PKDREJ: variants seen among roughly 807,000 people sequenced by gnomAD.
PKDREJ encodes polycystin family receptor for egg jelly.
For synonymous variants in PKDREJ, 1,031 were observed against 1,095.5 expected, an observed-to-expected ratio of 0.94 and a Z score of 1.16; for missense variants, 2,507 against 2,807.2, an observed-to-expected ratio of 0.89 and a Z score of 2.42.
Position 46,258,595 on chromosome 22 carries a change from ACACCAC to A in PKDREJ, c.4722_4727del (p.Trp1574_Trp1575del). On this transcript the variant is annotated inframe_deletion, in exon 1 of 1. Transcript: ENST00000253255. The surrounding 1 kb of genome is among the most constrained non-coding windows in gnomAD (Gnocchi z 6.1). ...AAACCAAAAACCATGCAACATAAACACACCACCAAGGTAGGACGATCCGGGGCTTTT... is the reference window on the plus strand; with the variant it reads ...AAACCAAAAACCATGCAACATAAACACAAGGTAGGACGATCCGGGGCTTTT... The A allele has an allele frequency of 1.9e-6, 3 of 1,614,176 alleles. No homozygotes were observed. The highest frequency in any genetic ancestry group is 2.5e-6 in the Non-Finnish European group (3 of 1,180,008).
Position 46,258,167 on chromosome 22 carries a change from A to G in PKDREJ, c.5156T>C (p.Ile1719Thr), listed in dbSNP as rs957788532. The change falls in exon 1 of 1, where the codon ATC becomes ACC. Residue 1719 changes from isoleucine (I) to threonine (T), a missense_variant. Transcript: ENST00000253255. This position sits in a 1 kb window ranked among gnomAD's most constrained non-coding sequence, Gnocchi z 6.1. ...AAGGATCAACAGAAGGGCTAGAAAG[A>G]TAAAGTGAGTTAGAATGTAACTCAG... ...LFLSYILTHF[I>T]FLALLLILIV... 1.9e-6 allele frequency: 3 copies of G among 1,614,090 alleles called. No individual in the cohort carries two copies. Among genetic ancestry groups the G allele is most frequent in the Admixed American group, 3.3e-5 (2 of 60,014 alleles).
In PKDREJ at chr22:46,263,205, C is replaced by T; in HGVS notation, c.118G>A (p.Gly40Ser). 1.4e-6 allele frequency: 2 copies of T among 1,412,142 alleles called. No individual in the cohort carries two copies. Among genetic ancestry groups the T allele is most frequent in the Non-Finnish European group, 1.8e-6 (2 of 1,089,440 alleles). 87.5% of individuals were successfully genotyped at this position (1,412,142 alleles called of 1,614,324 possible). A position where few individuals can be genotyped will look rare whatever the true frequency, so the allele number is the denominator to read the frequency against. The change falls in exon 1 of 1, where the codon GGC becomes AGC. Residue 40 changes from glycine (G) to serine (S), a missense_variant. Transcript: ENST00000253255. This position sits in a 1 kb window ranked among gnomAD's most constrained non-coding sequence, Gnocchi z 9.4. The stretch of plus-strand genomic sequence containing the variant: ...AGGCCCGGGGCGCCCCTGAGGAGGC[C>T]ACCGGGCGCCCCGGAGACGGCGGCT... Reference protein sequence around the residue: ...AQAAVSGAPGGLLRGAPGLGV... With the variant: ...AQAAVSGAPGSLLRGAPGLGV...
chr22:46,258,201 G>A lies in PKDREJ; in HGVS notation c.5122C>T (p.Leu1708Phe). 1 of 1,614,176 alleles carries A rather than the reference G, an allele frequency of 6.2e-7. No individual in the cohort carries two copies. The highest frequency in any genetic ancestry group is 1.3e-5 in the African/African-American group (1 of 75,060). ...GTTAGAATGTAACTCAGAAACAGGAGTGCTCTTCTCTTGATCCTCTTCTTT... is the reference window on the plus strand; with the variant it reads ...GTTAGAATGTAACTCAGAAACAGGAATGCTCTTCTCTTGATCCTCTTCTTT... The part of the protein sequence containing the change: ...KRKKRIKRRA[L>F]LFLSYILTHF... Residue 1708 changes from leucine (L) to phenylalanine (F), a missense_variant, in exon 1 of 1, where the codon CTC (leucine) becomes TTC (phenylalanine). Physicochemically the swap from Leu to Phe is conservative, Grantham distance 22 (BLOSUM62 0). Coordinates refer to ENST00000253255, the MANE Select transcript of PKDREJ (RefSeq NM_006071.2). The surrounding 1 kb of genome is among the most constrained non-coding windows in gnomAD (Gnocchi z 6.1).
At position 46,259,277 on chromosome 22, in the gene PKDREJ, T is replaced by A; in HGVS notation, c.4046A>T (p.Asp1349Val). The stretch of plus-strand genomic sequence containing the variant: ...AAAGTCTTTTCTAGTCAGACGCTCA[T>A]CTGGATGGGTAACGTGAAATGTTCT... ...LDRTFHVTHP[D>V]ERLTRKDFFF... Residue 1349 changes from aspartate to valine, a missense_variant, in exon 1 of 1, where the codon GAT (aspartate) becomes GTT (valine). Coordinates refer to ENST00000253255, the MANE Select transcript of PKDREJ (RefSeq NM_006071.2). This position sits in a 1 kb window ranked among gnomAD's most constrained non-coding sequence, Gnocchi z 6.8. 1 of 1,614,206 alleles carries A rather than the reference T, an allele frequency of 6.2e-7. No individual in the cohort carries two copies. The highest frequency in any genetic ancestry group is 8.5e-7 in the Non-Finnish European group (1 of 1,180,038).
Position 46,263,082 on chromosome 22 carries a change from G to GT in PKDREJ, c.240_241insA (p.His81ThrfsTer216). ...TACCAGCGCCGCCCGGTCCCGCCATGGGGGAAGCAGAGGCTGCCGCGGCCG... is the reference window on the plus strand; with the variant it reads ...TACCAGCGCCGCCCGGTCCCGCCATGTGGGGAAGCAGAGGCTGCCGCGGCCG... On this transcript the variant is annotated frameshift_variant, in exon 1 of 1. Coordinates refer to ENST00000253255, the MANE Select transcript of PKDREJ (RefSeq NM_006071.2). LOFTEE classifies it low-confidence loss of function (END_TRUNC). The surrounding 1 kb of genome is among the most constrained non-coding windows in gnomAD (Gnocchi z 9.4). 7.6e-7 allele frequency: 1 copy of GT among 1,320,796 alleles called. No individual in the cohort carries two copies. The highest frequency in any genetic ancestry group is 9.8e-7 in the Non-Finnish European group (1 of 1,024,684). The allele number at this position is 1,320,796 out of a possible 1,614,324, so 81.8% of individuals were successfully genotyped here.
Position 46,256,762 on chromosome 22 carries a change from C to G in PKDREJ, c.6561G>C (p.Ser2187=). 1 of 1,614,082 alleles carries G rather than the reference C, an allele frequency of 6.2e-7. No individual in the cohort carries two copies. Among genetic ancestry groups the G allele is most frequent in the East Asian group, 2.2e-5 (1 of 44,892 alleles). The part of the protein sequence containing the change: ...EMKQPVYEEP[S]DEVEAMTYLC... The stretch of plus-strand genomic sequence containing the variant: ...AATAGGTCATTGCTTCCACTTCATC[C>G]GATGGCTCCTCATACACGGGCTGCT... Residue 2187 remains serine, a synonymous_variant, in exon 1 of 1, where the codon TCG becomes TCC. Coordinates refer to ENST00000253255, the MANE Select transcript of PKDREJ (RefSeq NM_006071.2). This position sits in a 1 kb window ranked among gnomAD's most constrained non-coding sequence, Gnocchi z 5.3.
Position 46,262,493 on chromosome 22 carries a change from A to G in PKDREJ, c.830T>C (p.Leu277Ser). The change falls in exon 1 of 1, where the codon TTG becomes TCG. Residue 277 changes from leucine to serine, a missense_variant. Physicochemically the swap from Leu to Ser is moderately radical, Grantham distance 145. Transcript: ENST00000253255. This position sits in a 1 kb window ranked among gnomAD's most constrained non-coding sequence, Gnocchi z 8.1. ...VGQAPDWTQP[L>S]DLPQLEIRNS... ...CCTGATCTCGAGCTGGGGCAGATCC[A>G]AGGGCTGCGTCCAGTCGGGCGCCTG... 1 of 1,591,856 alleles carries G rather than the reference A, an allele frequency of 6.3e-7. No individual in the cohort carries two copies. The highest frequency in any genetic ancestry group is 8.6e-7 in the Non-Finnish European group (1 of 1,168,160).
At position 46,260,396 on chromosome 22, in the gene PKDREJ, C is replaced by T; in HGVS notation, c.2927G>A (p.Gly976Glu). Residue 976 changes from glycine to glutamate, a missense_variant, in exon 1 of 1, where the codon GGG (glycine) becomes GAG (glutamate). Physicochemically the swap from Gly to Glu is moderately conservative, Grantham distance 98. Transcript: ENST00000253255. This position sits in a 1 kb window ranked among gnomAD's most constrained non-coding sequence, Gnocchi z 4.5. The part of the protein sequence containing the change: ...LTVGPNSEVD[G>E]SLKKTTGGFS... ...CCCACCTGTCGTCTTCTTCAAGGAC[C>T]CATCAACCTCGCTGTTGGGTCCCAC... The T allele has an allele frequency of 1.9e-6, 3 of 1,614,190 alleles. No homozygotes were observed. Among genetic ancestry groups the T allele is most frequent in the Non-Finnish European group, 2.5e-6 (3 of 1,180,032 alleles).
At position 46,262,695 on chromosome 22, in the gene PKDREJ, A is replaced by C. The variant is rs2147777260; in HGVS notation, c.628T>G (p.Cys210Gly). 2 of 1,613,048 alleles carry C rather than the reference A, an allele frequency of 1.2e-6. No individual in the cohort carries two copies. Among genetic ancestry groups the C allele is most frequent in the Non-Finnish European group, 1.7e-6 (2 of 1,179,738 alleles). Residue 210 changes from cysteine to glycine, a missense_variant, in exon 1 of 1, where the codon TGT becomes GGT. Transcript: ENST00000253255. The surrounding 1 kb of genome is among the most constrained non-coding windows in gnomAD (Gnocchi z 8.1). ...SHRAVESSVS[C>G]QINACVIQRV... ...TGGATGACGCAGGCGTTTATCTGAC[A>C]GGACACGGACGACTCGACGGCTCTG...
chr22:46,260,342 A>G lies in PKDREJ; in HGVS notation c.2981T>C (p.Leu994Pro), dbSNP rs1936682133. The stretch of plus-strand genomic sequence containing the variant: ...TACTATGTGGACCAGAACCTCCCTA[A>G]GCACTGTGCTGTCCACTTGAAAGCT... ...GFSFQVDSTV[L>P]REVLVHIVTE... The change falls in exon 1 of 1, where the codon CTT becomes CCT. Residue 994 changes from leucine (L) to proline (P), a missense_variant. Transcript: ENST00000253255. The surrounding 1 kb of genome is among the most constrained non-coding windows in gnomAD (Gnocchi z 4.5). 5 of 1,614,168 alleles carry G rather than the reference A, an allele frequency of 3.1e-6. No individual in the cohort carries two copies. In the South Asian group the frequency reaches 5.5e-5, roughly 18 times the overall value.
In PKDREJ at chr22:46,261,974, A is replaced by G; in HGVS notation, c.1349T>C (p.Val450Ala). ...TGCTATGGCTTTTGGTCCTTGGAGCACGTGGACCCTCTTATCAGAAAACGC... is the reference window on the plus strand; with the variant it reads ...TGCTATGGCTTTTGGTCCTTGGAGCGCGTGGACCCTCTTATCAGAAAACGC... ...RTAFSDKRVH[V>A]LQGPKAIAHI... The change falls in exon 1 of 1, where the codon GTG becomes GCG. Residue 450 changes from valine to alanine, a missense_variant. By Grantham distance (64) the Val-to-Ala change is moderately conservative. Transcript: ENST00000253255. The surrounding 1 kb of genome is among the most constrained non-coding windows in gnomAD (Gnocchi z 7.1). 6.2e-7 allele frequency: 1 copy of G among 1,614,070 alleles called. No individual in the cohort carries two copies. The highest frequency in any genetic ancestry group is 8.5e-7 in the Non-Finnish European group (1 of 1,179,952).
In PKDREJ at chr22:46,262,832, G is replaced by T; in HGVS notation, c.491C>A (p.Pro164Gln). Residue 164 changes from proline to glutamine, a missense_variant, in exon 1 of 1, where the codon CCG becomes CAG. Transcript: ENST00000253255. This position sits in a 1 kb window ranked among gnomAD's most constrained non-coding sequence, Gnocchi z 8.1. ...CCGCGGGCCTGGCGCGGCGGAGCGC[G>T]GGGAGACGCGGGCCGCGGGGGAGGC... ...RPASPAARVS[P>Q]RSAAPGPRPQ... 1 of 1,232,842 alleles carries T rather than the reference G, an allele frequency of 8.1e-7. No homozygotes were observed. The highest frequency in any genetic ancestry group is 1.0e-6 in the Non-Finnish European group (1 of 981,038). The allele number at this position is 1,232,842 out of a possible 1,614,324, so 76.4% of individuals were successfully genotyped here. A position where few individuals can be genotyped will look rare whatever the true frequency, so the allele number is the denominator to read the frequency against.
At position 46,262,596 on chromosome 22, in the gene PKDREJ, C is replaced by A. The variant is rs966805421; in HGVS notation, c.727G>T (p.Ala243Ser). Residue 243 changes from alanine (A) to serine (S), a missense_variant, in exon 1 of 1, where the codon GCC becomes TCC. Coordinates refer to ENST00000253255, the MANE Select transcript of PKDREJ (RefSeq NM_006071.2). This position sits in a 1 kb window ranked among gnomAD's most constrained non-coding sequence, Gnocchi z 8.1. The part of the protein sequence containing the change: ...LSMQAEATIN[A>S]SVQLDCPAAR... ...GCCGGGCAGTCCAGCTGCACCGAGG[C>A]GTTGATGGTGGCCTCCGCCTGCATG... The A allele has an allele frequency of 8.1e-6, 13 of 1,611,610 alleles. No individual in the cohort carries two copies. Among genetic ancestry groups the A allele is most frequent in the Non-Finnish European group, 1.1e-5 (13 of 1,179,172 alleles).
rs80296311 is a variant in PKDREJ at position 46,260,169 on chromosome 22, T to C, written c.3154A>G (p.Lys1052Glu). Residue 1052 changes from lysine (K) to glutamate (E), a missense_variant, in exon 1 of 1, where the codon AAG becomes GAG. By Grantham distance (56) the Lys-to-Glu change is moderately conservative. Transcript: ENST00000253255. This position sits in a 1 kb window ranked among gnomAD's most constrained non-coding sequence, Gnocchi z 4.5. ...ACAGGGAGGCAGACTACACGGGCCTTCTTCACTGTGCAGGCTGGGTCAAAC... is the reference window on the plus strand; with the variant it reads ...ACAGGGAGGCAGACTACACGGGCCTCCTTCACTGTGCAGGCTGGGTCAAAC... ...ALFDPACTVKKARVVCLPVSL... is the reference protein window; with the variant it reads ...ALFDPACTVKEARVVCLPVSL... 8 of 1,614,132 alleles carry C rather than the reference T, an allele frequency of 5.0e-6. No individual in the cohort carries two copies. In the East Asian group the frequency reaches 1.8e-4, roughly 36 times the overall value.
In PKDREJ at chr22:46,259,768, C is replaced by A. The variant is rs1197839659; in HGVS notation, c.3555G>T (p.Val1185=). The A allele has an allele frequency of 6.2e-7, 1 of 1,614,090 alleles. No homozygotes were observed. The highest frequency in any genetic ancestry group is 8.5e-7 in the Non-Finnish European group (1 of 1,180,032). ...TAATGAAAAGCACAGTGAAGAGGGT[C>A]ACGGGGTTTTGGTGAAGGCTCTTGA... is the stretch of plus-strand genomic sequence containing the variant. ...NIIKSLHQNP[V]TLFTVLFIIL... is the part of the protein sequence containing the mutation. Residue 1185 remains valine, a synonymous_variant, in exon 1 of 1, where the codon GTG becomes GTT. Coordinates refer to ENST00000253255, the MANE Select transcript of PKDREJ (RefSeq NM_006071.2). The surrounding 1 kb of genome is among the most constrained non-coding windows in gnomAD (Gnocchi z 6.8).
At position 46,258,835 on chromosome 22, in the gene PKDREJ, C is replaced by T; in HGVS notation, c.4488G>A (p.Glu1496=). 1 of 1,614,186 alleles carries T rather than the reference C, an allele frequency of 6.2e-7. No homozygotes were observed. Among genetic ancestry groups the T allele is most frequent in the Non-Finnish European group, 8.5e-7 (1 of 1,180,032 alleles). ...TTCCTTTAGATGCAGGTTTTGCAACCTCCCTGGGGTGCACCTTAGCAGTTT... is the reference window on the plus strand; with the variant it reads ...TTCCTTTAGATGCAGGTTTTGCAACTTCCCTGGGGTGCACCTTAGCAGTTT... ...AYETAKVHPR[E]VAKPASKGKP... The change falls in exon 1 of 1, where the codon GAG becomes GAA. Residue 1496 remains glutamate (E), a synonymous_variant. Transcript: ENST00000253255. This position sits in a 1 kb window ranked among gnomAD's most constrained non-coding sequence, Gnocchi z 6.1.
chr22:46,257,672 T>A lies in PKDREJ; in HGVS notation c.5651A>T (p.Tyr1884Phe), dbSNP rs1936647786. ...AAACCGCTGCTGTTCTGGAAAAAAA[T>A]AGAGTGCATATCCTCCAGATCCATA... Reference protein sequence around the residue: ...HTYGSGGYALYFFPEQQRFNS... With the variant: ...HTYGSGGYALFFFPEQQRFNS... Residue 1884 changes from tyrosine to phenylalanine, a missense_variant, in exon 1 of 1, where the codon TAT (tyrosine) becomes TTT (phenylalanine). Transcript: ENST00000253255. This position sits in a 1 kb window ranked among gnomAD's most constrained non-coding sequence, Gnocchi z 4.7. 6.2e-7 allele frequency: 1 copy of A among 1,614,156 alleles called. No individual in the cohort carries two copies. Among genetic ancestry groups the A allele is most frequent in the African/African-American group, 1.3e-5 (1 of 75,048 alleles).
rs566688919 is a variant in PKDREJ, at chr22:46,259,692, C to A, written c.3631G>T (p.Asp1211Tyr). Residue 1211 changes from aspartate to tyrosine, a missense_variant, in exon 1 of 1, where the codon GAC becomes TAC. Coordinates refer to ENST00000253255, the MANE Select transcript of PKDREJ (RefSeq NM_006071.2). The surrounding 1 kb of genome is among the most constrained non-coding windows in gnomAD (Gnocchi z 6.8). Reference sequence around the variant, plus strand: ...ATCACATGCCCCCGAAGATGCTGGTCCATTTCATCCCTGTATAAAGCCCAA... The same window carrying A: ...ATCACATGCCCCCGAAGATGCTGGTACATTTCATCCCTGTATAAAGCCCAA... ...AFWALYRDEM[D>Y]QHLRGHVIVL... The A allele has an allele frequency of 5.0e-6, 8 of 1,614,002 alleles. No individual in the cohort carries two copies. Among genetic ancestry groups the A allele is most frequent in the Non-Finnish European group, 5.9e-6 (7 of 1,180,014 alleles).
chr22:46,256,819 C>T lies in PKDREJ; in HGVS notation c.6504G>A (p.Gln2168=). The T allele has an allele frequency of 6.2e-7, 1 of 1,613,970 alleles. No individual in the cohort carries two copies. The highest frequency in any genetic ancestry group is 8.5e-7 in the Non-Finnish European group (1 of 1,180,012). ...CCTCATATGCAGACAGAATTACAGC[C>T]TGAAATAAGTTGATCAAGACGCAGA... is the stretch of plus-strand genomic sequence containing the variant. ...VMICVLINLF[Q]AVILSAYEEM... The change falls in exon 1 of 1, where the codon CAG becomes CAA. Residue 2168 remains glutamine, a synonymous_variant. Transcript: ENST00000253255. The surrounding 1 kb of genome is among the most constrained non-coding windows in gnomAD (Gnocchi z 5.3).
Sources: gnomAD v4.1 joint callset for allele counts on GRCh38, gnomAD v4.1.1 for gene constraint, Gnocchi (gnomAD v3.1) non-coding constraint, MANE v1.5 for transcripts, NCBI Gene and HGNC (gene_info 2026-07-23, HGNC 2026-07-21) for gene names.